MED13L: variants seen among roughly 807,000 people sequenced by gnomAD.
MED13L encodes the protein mediator of RNA polymerase II transcription subunit 13-like.
Under a neutral mutation model 220.9 loss-of-function variants are expected in MED13L, and 7 were observed. That is an observed-to-expected ratio of 0.03 (90% CI 0.02 to 0.06). The LOEUF (loss-of-function observed/expected upper bound fraction) is 0.06, where lower values mean the gene tolerates loss of function less well. Ranked by LOEUF, MED13L falls within the 10% of genes least tolerant of loss-of-function variation. MED13L has a pLI of 1.00. For missense variants in MED13L, 1,965 were observed against 2,760.5 expected (o/e 0.71, Z 6.46); for synonymous variants, 1,011 against 1,015.2 (o/e 1.00, Z 0.08).
intron 4 of MED13L, among the ~76,000 whole-genome samples, chr12:116,025,171 G>A (rs911065128): frequency 2.6e-5 from 4 of 152,054 alleles, no homozygotes; most frequent in East Asian, 1.9e-4. Context: ...AATCAAAATC[G>A]CAGTAAGATA....
intron 2 of MED13L, among the ~76,000 whole-genome samples, chr12:116,120,486 C>CACACACACAA (rs1874993861): frequency 1.4e-5 from 2 of 142,116 alleles, no homozygotes; most frequent in Non-Finnish European, 3.1e-5. Context: ...CTCACACACA[C>CACACACACAA]ACACACACAC....
intron 2 of MED13L, among the ~76,000 whole-genome samples, chr12:116,125,041 T>A (rs1355595641): frequency 6.6e-6 from 1 of 152,230 alleles, no homozygotes; most frequent in Non-Finnish European, 1.5e-5. Context: ...TATTGATTTT[T>A]ACACTAAGAA....
At chr12:116,062,355 T>A (rs541543030) in intron 4 of MED13L, among the ~76,000 whole-genome samples, 6 of 152,200 alleles carry the variant, frequency 3.9e-5, no homozygotes, top group South Asian at 2.1e-4. Flanking sequence ...TGTTTCACCA[T>A]GTTGGCCAGG....
At position 115,991,432 on chromosome 12, in the gene MED13L, G is replaced by A. The variant is rs1878054259; in HGVS notation, c.3522C>T (p.Tyr1174=). The change falls in exon 17 of 31, where the codon TAC becomes TAT. Residue 1174 remains tyrosine (Y), a synonymous_variant. Coordinates refer to ENST00000281928, the MANE Select transcript of MED13L (RefSeq NM_015335.5). The surrounding 1 kb of genome is among the most constrained non-coding windows in gnomAD (Gnocchi z 7.7). ...FSAIMNRKLG[Y]NSGLFLEDEL... is the part of the protein sequence containing the mutation. The stretch of plus-strand genomic sequence containing the variant: ...CATCTTCAAGGAAGAGTCCTGAATT[G>A]TAGCCAAGTTTGCGGTTCATAATCG... 4 of 1,614,092 alleles carry A rather than the reference G, an allele frequency of 2.5e-6. No homozygotes were observed. In the African/African-American group the frequency reaches 5.3e-5, roughly 22 times the overall value.
chr12:116,005,476 A>G (rs1292889895), intron 13 of MED13L, among the ~76,000 whole-genome samples: 1 of 152,234 alleles, frequency 6.6e-6, no homozygotes, highest in East Asian at 1.9e-4. Flanking sequence ...TTAGATGAAT[A>G]AAAAGTTATG....
chr12:116,017,617 T>C (rs564319794), intron 7 of MED13L, among the ~76,000 whole-genome samples: 2 of 152,282 alleles, frequency 1.3e-5, no homozygotes, highest in African/African-American at 2.4e-5. Flanking sequence ...AAGCCGCAAG[T>C]ACTTTTTTAT....
At chr12:115,996,414 AT>A (rs1878407970) in intron 16 of MED13L, 61 bp downstream of exon 16, 1 of 1,552,374 alleles carries the variant, frequency 6.4e-7, no homozygotes. Flanking sequence ...TTTAACAAAC[AT>A]TTAGTTAAGA....
At chr12:116,054,820 C>T (rs770202100) in intron 4 of MED13L, among the ~76,000 whole-genome samples, 6 of 152,238 alleles carry the variant, frequency 3.9e-5, no homozygotes, top group Middle Eastern at 6.8e-3. Context: ...TGAACATGTG[C>T]CTGCTACTCT....
Position 115,996,687 on chromosome 12 carries a change from AC to A in MED13L, c.2791-7del. The stretch of plus-strand genomic sequence containing the variant: ...TTGTGCACATATGAAAAGTCCTGTG[AC>A]AACAAAGTGGGGTCAGTGTTAATAT... On this transcript the variant is annotated splice_polypyrimidine_tract_variant and splice_region_variant and intron_variant, in intron 15 of 30. Coordinates refer to ENST00000281928, the MANE Select transcript of MED13L (RefSeq NM_015335.5). 1 of 1,609,256 alleles carries A rather than the reference AC, an allele frequency of 6.2e-7. No homozygotes were observed. The highest frequency in any genetic ancestry group is 8.5e-7 in the Non-Finnish European group (1 of 1,175,616).
In MED13L at chr12:116,007,645, CAAAAAA is replaced by C. The variant is rs542425590; in HGVS notation, c.2013-15_2013-10del. The C allele has an allele frequency of 3.4e-4, 255 of 759,084 alleles. No homozygotes were observed. The highest frequency in any genetic ancestry group is 1.3e-3 in the Middle Eastern group (3 of 2,322). 47.0% of individuals were successfully genotyped at this position (759,084 alleles called of 1,614,324 possible). A position where few individuals can be genotyped will look rare whatever the true frequency, so the allele number is the denominator to read the frequency against. On this transcript the variant is annotated splice_polypyrimidine_tract_variant and intron_variant, in intron 10 of 30. Coordinates refer to ENST00000281928, the MANE Select transcript of MED13L (RefSeq NM_015335.5). The stretch of plus-strand genomic sequence containing the variant: ...TAGGTTGTGCTAAGAGTCTAAAAGA[CAAAAAA>C]AAAAAAAAAAAAAAGAGCATTTATG...
chr12:116,188,905 C>T (rs539886673), intron 2 of MED13L, among the ~76,000 whole-genome samples: 1 of 152,250 alleles, frequency 6.6e-6, no homozygotes, highest in African/African-American at 2.4e-5. Context: ...AGACTTTGTT[C>T]CTTTTGTTAC....
chr12:116,060,449 G>A (rs1045051425), intron 4 of MED13L, among the ~76,000 whole-genome samples: 1 of 151,394 alleles, frequency 6.6e-6, no homozygotes, highest in South Asian at 2.1e-4. Context: ...ACTGTGGCGG[G>A]TGCCTGTAGT....
intron 2 of MED13L, among the ~76,000 whole-genome samples, chr12:116,185,023 C>T (rs1483027734): frequency 6.6e-6 from 1 of 152,130 alleles, no homozygotes; most frequent in African/African-American, 2.4e-5. Context: ...AAAATCCAGG[C>T]ATCTAAAATG....
At position 115,969,055 on chromosome 12, in the gene MED13L, T is replaced by C. The variant is rs1876392810; in HGVS notation, c.6110A>G (p.Asn2037Ser). 5.0e-6 allele frequency: 8 copies of C among 1,613,964 alleles called. No individual in the cohort carries two copies. Among genetic ancestry groups the C allele is most frequent in the Non-Finnish European group, 6.8e-6 (8 of 1,179,922 alleles). Residue 2037 changes from asparagine to serine, a missense_variant, in exon 28 of 31, where the codon AAT becomes AGT. Around this residue, in one of 10 missense-constraint regions of MED13L, gnomAD observed 145 missense variants for 328.3 expected, o/e 0.44. Coordinates refer to ENST00000281928, the MANE Select transcript of MED13L (RefSeq NM_015335.5). Reference protein sequence around the residue: ...VDLPFPDDMDNDIGILMTGNL... With the variant: ...VDLPFPDDMDSDIGILMTGNL... ...CCCAGTCATTAATATGCCAATATCA[T>C]TGTCCATATCATCTGGGAATGGAAG...
At chr12:116,244,747 T>C (rs569382712) in intron 1 of MED13L, among the ~76,000 whole-genome samples, 33 of 152,136 alleles carry the variant, frequency 2.2e-4, no homozygotes, top group Non-Finnish European at 3.4e-4. Flanking sequence ...AACTCAGAAG[T>C]TCTAGACCAG....
chr12:116,089,423 T>C (rs528062044), intron 4 of MED13L, among the ~76,000 whole-genome samples: 1 of 152,324 alleles, frequency 6.6e-6, no homozygotes, highest in South Asian at 2.1e-4. Flanking sequence ...AAGGATGATA[T>C]CATCTAAACA....
At chr12:116,235,071 T>G (rs939533892) in intron 2 of MED13L, among the ~76,000 whole-genome samples, 1 of 152,206 alleles carries the variant, frequency 6.6e-6, no homozygotes, top group Non-Finnish European at 1.5e-5. Context: ...TCTCTTTGTA[T>G]CCTTCAGTTT....
intron 19 of MED13L, among the ~76,000 whole-genome samples, chr12:115,985,451 T>C (rs1483723138): frequency 6.6e-6 from 1 of 152,240 alleles, no homozygotes; most frequent in Admixed American, 6.5e-5. Context: ...TGTTTTGGAA[T>C]ATTTTGCAAT....
chr12:116,096,859 C>A, intron 3 of MED13L, 107 bp from the exon 4 acceptor site: 1 of 789,306 alleles, frequency 1.3e-6, no homozygotes, highest in East Asian at 2.6e-5. Context: ...AAAACACCAC[C>A]AATTAAACTA....
Sources: allele counts gnomAD v4.1 joint callset (sites outside exome capture counted in the v4.1 genomes callset), GRCh38; gene constraint gnomAD v4.1.1; regional missense constraint gnomAD v4.1.1; non-coding constraint Gnocchi (gnomAD v3.1); transcripts MANE v1.5; gene names NCBI Gene and HGNC (gene_info 2026-07-23, HGNC 2026-07-21).